HS3ST5: variants seen among roughly 807,000 people sequenced by gnomAD.
The protein encoded by HS3ST5 is heparan sulfate-glucosamine 3-sulfotransferase 5, also known as heparan sulfate glucosamine 3-O-sulfotransferase 5.
HS3ST5 carries 10 observed loss-of-function variants against 25.4 expected under a neutral mutation model. The ratio of observed to expected loss-of-function variants is 0.39; its 90% CI spans 0.24 to 0.67. The LOEUF (loss-of-function observed/expected upper bound fraction) is 0.67. HS3ST5 is among the 30% of genes least tolerant of loss of function. The pLI is 0.44. For missense variants in HS3ST5, 324 were observed against 420.7 expected (o/e 0.77, Z 2.01); for synonymous variants, 170 against 162.4 (o/e 1.05, Z -0.36).
intron 1 of HS3ST5, among the ~76,000 whole-genome samples, chr6:114,314,328 A>T (rs193162262): frequency 6.6e-6 from 1 of 152,352 alleles, no homozygotes; most frequent in African/African-American, 2.4e-5. Flanking sequence ...TCTAGACATC[A>T]TACTTTAACA....
intron 2 of HS3ST5, among the ~76,000 whole-genome samples, chr6:114,226,348 A>G (rs1422158220): frequency 2.0e-5 from 3 of 151,996 alleles, no homozygotes; most frequent in Admixed American, 1.3e-4. Context: ...ATTTCGATCT[A>G]ATTGGACACA....
chr6:114,276,615 A>AC lies in HS3ST5; in HGVS notation c.-338-47838_-338-47837insG, dbSNP rs1333334917. On this transcript the variant is annotated intron_variant, in intron 1 of 4. Coordinates refer to ENST00000312719, the MANE Select transcript of HS3ST5 (RefSeq NM_153612.4). Reference sequence around the variant, plus strand: ...CCAAAAGCTATGAGAGTGTGGGAAAAAAAAAAACAAAAAAACAAAAAAACT... The same window carrying AC: ...CCAAAAGCTATGAGAGTGTGGGAAAACAAAAAAACAAAAAAACAAAAAAACT... 2.6e-3 allele frequency among the ~76,000 whole-genome samples: 393 copies of AC among 149,130 alleles called. 1 individual carries two copies. Among genetic ancestry groups the AC allele is most frequent in the African/African-American group, 9.2e-3 (375 of 40,958 alleles).
At chr6:114,138,047 AAGG>A (rs1777718595) in intron 3 of HS3ST5, among the ~76,000 whole-genome samples, 2 of 152,194 alleles carry the variant, frequency 1.3e-5, no homozygotes, top group Admixed American at 6.5e-5. Context: ...TTAAAAAAAA[AAGG>A]AGGCTCTGAG....
Position 114,058,105 on chromosome 6 carries a change from G to C in HS3ST5, c.193C>G (p.Arg65Gly), listed in dbSNP as rs780604705. ...EFPLRALQFK[R>G]GLLHEFRKGN... is the part of the protein sequence containing the mutation. ...TTCCGGAACTCGTGCAGCAGGCCAC[G>C]CTTAAACTGCAGGGCGCGAAGTGGG... Residue 65 changes from arginine to glycine, a missense_variant, in exon 5 of 5, where the codon CGT becomes GGT. This residue lies in a region of HS3ST5 where 121 missense variants were observed against 117.3 expected (regional missense o/e 1.03). Transcript: ENST00000312719. 2 of 1,614,084 alleles carry C rather than the reference G, an allele frequency of 1.2e-6. No individual in the cohort carries two copies. Among genetic ancestry groups the C allele is most frequent in the East Asian group, 2.2e-5 (1 of 44,884 alleles).
At chr6:114,326,348 C>T (rs1776175916) in intron 1 of HS3ST5, among the ~76,000 whole-genome samples, 1 of 152,100 alleles carries the variant, frequency 6.6e-6, no homozygotes, top group Admixed American at 6.5e-5. Context: ...GGAGATCACG[C>T]CACTGCACTC....
intron 2 of HS3ST5, among the ~76,000 whole-genome samples, chr6:114,219,784 G>C (rs947124210): frequency 2.0e-5 from 3 of 152,108 alleles, no homozygotes. Context: ...ATCAATAGAA[G>C]ACTTTAATTG....
chr6:114,156,708 T>C (rs1317522524), intron 3 of HS3ST5, among the ~76,000 whole-genome samples: 2 of 152,190 alleles, frequency 1.3e-5, no homozygotes, highest in Admixed American at 6.5e-5. Flanking sequence ...TCTGGCACTA[T>C]TGACCTTTCA....
At chr6:114,295,079 C>A (rs1423776230) in intron 1 of HS3ST5, among the ~76,000 whole-genome samples, 1 of 152,078 alleles carries the variant, frequency 6.6e-6, no homozygotes, top group African/African-American at 2.4e-5. Context: ...GGCATCAGAA[C>A]AAAATCACAC....
At chr6:114,274,132 G>C (rs759591344) in intron 1 of HS3ST5, among the ~76,000 whole-genome samples, 1 of 152,024 alleles carries the variant, frequency 6.6e-6, no homozygotes, top group Non-Finnish European at 1.5e-5. Context: ...GGTTCACCCA[G>C]AGTAATGAGG....
At chr6:114,310,207 G>A (rs1357439687) in intron 1 of HS3ST5, among the ~76,000 whole-genome samples, 2 of 152,114 alleles carry the variant, frequency 1.3e-5, no homozygotes, top group Admixed American at 6.5e-5. Context: ...TTATAGTCCC[G>A]AGTAGGTGGC....
intron 3 of HS3ST5, among the ~76,000 whole-genome samples, chr6:114,154,977 T>C (rs116450721): frequency 0.012 from 1,846 of 152,128 alleles, 34 homozygotes; most frequent in African/African-American, 0.037. Context: ...CTGTCTCCCC[T>C]CCACCACCCC....
At chr6:114,321,330 T>C (rs1445753266) in intron 1 of HS3ST5, among the ~76,000 whole-genome samples, 1 of 152,166 alleles carries the variant, frequency 6.6e-6, no homozygotes, top group Non-Finnish European at 1.5e-5. Flanking sequence ...TCCTGTCCTC[T>C]TTCCCTTTTA....
intron 1 of HS3ST5, among the ~76,000 whole-genome samples, chr6:114,262,375 A>T (rs544629547): frequency 5.2e-4 from 79 of 152,198 alleles, no homozygotes; most frequent in Non-Finnish European, 1.0e-3. Flanking sequence ...GTGAAATCCC[A>T]TCTCTACTAA....
At chr6:114,200,939 A>G (rs1348683109) in intron 2 of HS3ST5, among the ~76,000 whole-genome samples, 1 of 152,198 alleles carries the variant, frequency 6.6e-6, no homozygotes, top group African/African-American at 2.4e-5. Context: ...ATAAGATATA[A>G]CTTAATTTAT....
chr6:114,095,387 C>A (rs1245592963), intron 3 of HS3ST5, among the ~76,000 whole-genome samples: 1 of 152,154 alleles, frequency 6.6e-6, no homozygotes, highest in African/African-American at 2.4e-5. Flanking sequence ...ACCCGTCAAA[C>A]TAGTGAAGTT....
chr6:114,102,857 C>T (rs1402908058), intron 3 of HS3ST5, among the ~76,000 whole-genome samples: 1 of 152,136 alleles, frequency 6.6e-6, no homozygotes, highest in Non-Finnish European at 1.5e-5. Flanking sequence ...TTTGACAAAA[C>T]AGAAGTTTCC....
chr6:114,223,544 C>T (rs1456349717), intron 2 of HS3ST5, among the ~76,000 whole-genome samples: 1 of 151,750 alleles, frequency 6.6e-6, no homozygotes. Flanking sequence ...TTCTGCTCAG[C>T]AGAAACCTCT....
At chr6:114,133,923 G>A (rs1777468760) in intron 3 of HS3ST5, among the ~76,000 whole-genome samples, 2 of 152,026 alleles carry the variant, frequency 1.3e-5, no homozygotes, top group Admixed American at 6.6e-5. Flanking sequence ...CCAGGCAGAG[G>A]GAGCAAGACT....
At chr6:114,075,993 C>T (rs1451957169) in intron 3 of HS3ST5, among the ~76,000 whole-genome samples, 1 of 152,136 alleles carries the variant, frequency 6.6e-6, no homozygotes. Context: ...CAAGGTAGTG[C>T]TGTGAGATAC....
Sources: allele counts gnomAD v4.1 joint callset (sites outside exome capture counted in the v4.1 genomes callset), GRCh38; gene constraint gnomAD v4.1.1; regional missense constraint gnomAD v4.1.1; transcripts MANE v1.5; gene names NCBI Gene and HGNC (gene_info 2026-07-23, HGNC 2026-07-21).